The following BRAF variants were observed in gnomAD, a reference collection of about 807,000 sequenced individuals.
BRAF encodes B-Raf proto-oncogene, serine/threonine kinase.
A neutral mutation model predicts 104.6 loss-of-function variants in BRAF; 16 were observed. The observed-to-expected ratio is 0.15, with a 90% CI of 0.10 to 0.23. BRAF has a LOEUF of 0.23. Among genes scored for constraint, BRAF ranks in the 10% least tolerant of loss-of-function variants. BRAF has a pLI of 1.00. For missense variants in BRAF, 541 were observed against 937.3 expected, an observed-to-expected ratio of 0.58 and a Z score of 5.52; for synonymous variants, 310 against 341.6, an observed-to-expected ratio of 0.91 and a Z score of 1.02.
At chr7:140,913,452 G>C (rs1158368104) in intron 1 of BRAF, among the ~76,000 whole-genome samples, 2 of 129,380 alleles carry the variant, frequency 1.5e-5, no homozygotes, top group African/African-American at 5.6e-5. Context: ...GAATGACAAA[G>C]CAAATGTTAA....
At chr7:140,827,574 G>C (rs890108400) in intron 3 of BRAF, among the ~76,000 whole-genome samples, 2 of 152,172 alleles carry the variant, frequency 1.3e-5, no homozygotes, top group African/African-American at 4.8e-5. Flanking sequence ...TTTCACTGAA[G>C]GTAATGTCCT....
At chr7:140,877,245 A>T (rs1812363299) in intron 1 of BRAF, among the ~76,000 whole-genome samples, 1 of 135,002 alleles carries the variant, frequency 7.4e-6, no homozygotes, top group Admixed American at 9.2e-5. Flanking sequence ...CAGTGAATTA[A>T]TATCATTAAG....
intron 3 of BRAF, among the ~76,000 whole-genome samples, chr7:140,826,922 G>A (rs923124833): frequency 6.6e-6 from 1 of 152,198 alleles, no homozygotes; most frequent in African/African-American, 2.4e-5. Flanking sequence ...GCATTTGGTT[G>A]TTATGTGCAC....
Position 140,874,129 on chromosome 7 carries a change from T to C in BRAF, c.139-23917A>G, listed in dbSNP as rs151324470. ...GCTAATCGACAACACTGGAAGTAAA[T>C]AGCAGTAGACGATTGGGATAGAGGA... On this transcript the variant is annotated intron_variant, in intron 1 of 19. Coordinates refer to ENST00000644969, the MANE Select transcript of BRAF (RefSeq NM_001374258.1). Among the ~76,000 whole-genome samples the C allele has an allele frequency of 6.6e-5, 10 of 151,254 alleles. No individual in the cohort carries two copies. The East Asian group carries it at 1.9e-3, about 29-fold the overall frequency.
chr7:140,847,247 A>G (rs1227041176), intron 2 of BRAF, among the ~76,000 whole-genome samples: 1 of 152,054 alleles, frequency 6.6e-6, no homozygotes, highest in Non-Finnish European at 1.5e-5. Flanking sequence ...TCATTAAAAT[A>G]TAAGCTTAAA....
Position 140,800,479 on chromosome 7 carries a change from A to G in BRAF, c.863T>C (p.Leu288Ser), listed in dbSNP as rs768365723. ...TTCAAAGAACTTGGAGACAAACAGC[A>G]AACTGTGAGGCAAAACAAAACAAAC... ...LMCVNYDQLDLLFVSKFFEHH... is the reference protein window; with the variant it reads ...LMCVNYDQLDSLFVSKFFEHH... The change falls in exon 7 of 20, where the codon TTG becomes TCG. Residue 288 changes from leucine to serine, a missense_variant and splice_region_variant. This residue lies in a region of BRAF where 19 missense variants were observed against 51.8 expected (regional missense o/e 0.37). Transcript: ENST00000644969. 1.2e-6 allele frequency: 2 copies of G among 1,614,186 alleles called. No individual in the cohort carries two copies. The highest frequency in any genetic ancestry group is 1.7e-6 in the Non-Finnish European group (2 of 1,180,014).
intron 13 of BRAF, 144 bp downstream of exon 12, chr7:140,777,847 C>G: frequency 1.2e-6 from 1 of 855,350 alleles, no homozygotes; most frequent in Non-Finnish European, 1.9e-6. Context: ...TGGTTAAAGA[C>G]AAAAATATAC....
chr7:140,736,932 C>T (rs1256368102), intron 18 of BRAF, among the ~76,000 whole-genome samples: 2 of 152,026 alleles, frequency 1.3e-5, no homozygotes, highest in African/African-American at 2.4e-5. Context: ...CACCTGCAAT[C>T]CCAGCTACTT....
intron 19 of BRAF, chr7:140,734,482 T>C: frequency 1.3e-6 from 2 of 1,596,112 alleles, no homozygotes; most frequent in African/African-American, 1.3e-5. Flanking sequence ...ACAAGTGTTC[T>C]TTGGTTCACC....
intron 14 of BRAF, among the ~76,000 whole-genome samples, 189 bp from the exon 14 acceptor site, chr7:140,754,422 C>T (rs1424068997): frequency 1.3e-5 from 2 of 152,162 alleles, no homozygotes; most frequent in African/African-American, 4.8e-5. Flanking sequence ...AGGAACATAT[C>T]ACTATAATGG....
chr7:140,734,101 AATT>A (rs1796189439), intron 19 of BRAF: 3 of 1,036,304 alleles, frequency 2.9e-6, no homozygotes, highest in Non-Finnish European at 3.5e-6. Context: ...GTTATAGAAA[AATT>A]ATTAAGAATA....
At chr7:140,746,557 G>A (rs990007541) in intron 17 of BRAF, among the ~76,000 whole-genome samples, 3 of 152,104 alleles carry the variant, frequency 2.0e-5, no homozygotes, top group African/African-American at 7.2e-5. Context: ...AAGGCCAGGT[G>A]CAGTGGTTCA....
chr7:140,734,300 C>T, intron 19 of BRAF: 1 of 1,237,172 alleles, frequency 8.1e-7, no homozygotes, highest in Non-Finnish European at 1.0e-6. Context: ...CTGAAGTTTA[C>T]TACTTAAAAT....
chr7:140,862,262 AG>A (rs1449883047), intron 1 of BRAF, among the ~76,000 whole-genome samples: 1 of 152,212 alleles, frequency 6.6e-6, no homozygotes, highest in Non-Finnish European at 1.5e-5. Context: ...TAACAGAAGT[AG>A]TATTGATAAA....
chr7:140,726,583 C>A (rs1475463943), intron 19 of BRAF: 6 of 1,337,052 alleles, frequency 4.5e-6, no homozygotes, highest in Non-Finnish European at 6.2e-6. Context: ...CACAGAAAAG[C>A]CTCATTTGAG....
intron 1 of BRAF, among the ~76,000 whole-genome samples, chr7:140,875,137 G>A (rs1812075478): frequency 6.6e-6 from 1 of 152,150 alleles, no homozygotes; most frequent in Non-Finnish European, 1.5e-5. Context: ...CAAGAATAGA[G>A]TAATACATCA....
intron 15 of BRAF, 52 bp downstream of exon 14, chr7:140,754,135 A>C: frequency 6.5e-7 from 1 of 1,549,202 alleles, no homozygotes; most frequent in African/African-American, 1.4e-5. Flanking sequence ...AAAATGCAGA[A>C]GAAAAAGTCA....
At chr7:140,748,976 C>G in intron 17 of BRAF, 1 of 327,526 alleles carries the variant, frequency 3.1e-6, no homozygotes, top group African/African-American at 2.2e-5. Flanking sequence ...AGTATAATGC[C>G]CAGATGCTAT....
At chr7:140,905,502 ATCT>A (rs1816203257) in intron 1 of BRAF, among the ~76,000 whole-genome samples, 1 of 152,164 alleles carries the variant, frequency 6.6e-6, no homozygotes, top group Admixed American at 6.5e-5. Context: ...ATTACTTTTG[ATCT>A]TCTTTATTCT....
Sources: allele counts gnomAD v4.1 joint callset (sites outside exome capture counted in the v4.1 genomes callset), GRCh38; gene constraint gnomAD v4.1.1; regional missense constraint gnomAD v4.1.1; transcripts MANE v1.5; gene names NCBI Gene and HGNC (gene_info 2026-07-23, HGNC 2026-07-21).